ACOXL: variants seen among roughly 807,000 people sequenced by gnomAD.
ACOXL encodes acyl-coenzyme A oxidase-like protein.
A neutral mutation model predicts 71.9 loss-of-function variants in ACOXL; 70 were observed. That is an observed-to-expected ratio of 0.97 (90% CI 0.80 to 1.19). ACOXL has a LOEUF of 1.19. Ranked by LOEUF, ACOXL falls within the 50% of genes most tolerant of loss-of-function variation. The probability of loss-of-function intolerance (pLI) is 0.00; values close to 1 mark genes in which losing one functional copy is unlikely to be tolerated. For synonymous variants in ACOXL, 253 were observed against 281.6 expected, an observed-to-expected ratio of 0.90 and a Z score of 1.02; for missense variants, 703 against 736.3, an observed-to-expected ratio of 0.95 and a Z score of 0.52.
At chr2:111,094,650 A>G (rs2068709473) in intron 17 of ACOXL, among the ~76,000 whole-genome samples, 1 of 152,212 alleles carries the variant, frequency 6.6e-6, no homozygotes, top group African/African-American at 2.4e-5. Context: ...TCTAAAAGTC[A>G]TACCTCTCAT....
chr2:110,878,668 G>A (rs980349163), intron 10 of ACOXL, among the ~76,000 whole-genome samples: 2 of 152,194 alleles, frequency 1.3e-5, no homozygotes, highest in Admixed American at 1.3e-4. Context: ...AAGAGGCTGA[G>A]GCAGGAGAAT....
At chr2:110,918,642 G>A (rs920672399) in intron 11 of ACOXL, among the ~76,000 whole-genome samples, 2 of 152,100 alleles carry the variant, frequency 1.3e-5, no homozygotes, top group African/African-American at 4.8e-5. Flanking sequence ...GACAATTTTT[G>A]CATTCTATCC....
At chr2:110,751,144 C>G (rs986098949) in intron 1 of ACOXL, among the ~76,000 whole-genome samples, 11 of 151,634 alleles carry the variant, frequency 7.3e-5, no homozygotes, top group African/African-American at 2.7e-4. Context: ...TAAAAAAATA[C>G]AAAAAAATTA....
At chr2:110,753,869 G>A (rs1340875163) in intron 1 of ACOXL, among the ~76,000 whole-genome samples, 1 of 151,920 alleles carries the variant, frequency 6.6e-6, no homozygotes, top group Non-Finnish European at 1.5e-5. Flanking sequence ...CCACGTCTTT[G>A]TCAAAATTTT....
intron 14 of ACOXL, among the ~76,000 whole-genome samples, chr2:111,021,547 T>C (rs1194557143): frequency 2.6e-5 from 4 of 152,048 alleles, no homozygotes; most frequent in Admixed American, 1.3e-4. Flanking sequence ...GCCCCCTTAT[T>C]CTCTGGGAGA....
chr2:110,825,533 T>G (rs1689069138), intron 9 of ACOXL, among the ~76,000 whole-genome samples: 1 of 152,246 alleles, frequency 6.6e-6, no homozygotes, highest in East Asian at 1.9e-4. Context: ...GTCCTCCGGC[T>G]TTTTTCACTG....
intron 17 of ACOXL, among the ~76,000 whole-genome samples, chr2:111,094,878 A>G (rs953615492): frequency 6.6e-6 from 1 of 152,132 alleles, no homozygotes; most frequent in African/African-American, 2.4e-5. Context: ...CAGACGGGTA[A>G]TTGTCTCCTT....
At chr2:111,046,663 G>A (rs1292430804) in intron 15 of ACOXL, among the ~76,000 whole-genome samples, 2 of 152,126 alleles carry the variant, frequency 1.3e-5, no homozygotes, top group African/African-American at 2.4e-5. Context: ...CCACCCCCAT[G>A]ATTCATTTAC....
At chr2:110,798,970 C>T in intron 6 of ACOXL, 44 bp from the exon 7 acceptor site, 1 of 1,575,490 alleles carries the variant, frequency 6.3e-7, no homozygotes. Context: ...ATGAGTAAAG[C>T]TATAGGAAGG....
At chr2:110,809,234 T>C (rs559309629) in intron 9 of ACOXL, among the ~76,000 whole-genome samples, 1 of 152,378 alleles carries the variant, frequency 6.6e-6, no homozygotes, top group African/African-American at 2.4e-5. Flanking sequence ...GCTTCATGTG[T>C]ACACACTCGT....
intron 2 of ACOXL, among the ~76,000 whole-genome samples, chr2:110,772,514 G>A (rs1442668607): frequency 2.0e-5 from 3 of 152,154 alleles, no homozygotes; most frequent in Non-Finnish European, 2.9e-5. Flanking sequence ...CTTTCCCCAG[G>A]AGGGAGCCAG....
At chr2:110,823,103 A>C (rs1688804350) in intron 9 of ACOXL, among the ~76,000 whole-genome samples, 1 of 152,078 alleles carries the variant, frequency 6.6e-6, no homozygotes, top group Admixed American at 6.5e-5. Flanking sequence ...AAATACAAAA[A>C]TTAGCTGGGC....
At chr2:111,038,524 A>G (rs1309373910) in intron 15 of ACOXL, among the ~76,000 whole-genome samples, 2 of 152,240 alleles carry the variant, frequency 1.3e-5, no homozygotes, top group Non-Finnish European at 2.9e-5. Flanking sequence ...ATATCTAAGT[A>G]GTTTCAAAAT....
intron 2 of ACOXL, among the ~76,000 whole-genome samples, chr2:110,772,891 G>A (rs908438088): frequency 6.6e-6 from 1 of 152,172 alleles, no homozygotes; most frequent in Non-Finnish European, 1.5e-5. Flanking sequence ...TTATGAAAGG[G>A]CAGCTATCTT....
chr2:110,985,177 T>C (rs1003397347), intron 12 of ACOXL, among the ~76,000 whole-genome samples: 9 of 152,232 alleles, frequency 5.9e-5, no homozygotes, highest in Non-Finnish European at 8.8e-5. Context: ...GCTATTATCA[T>C]TTTAATTTTA....
chr2:111,069,213 G>A (rs1006063466), intron 16 of ACOXL, among the ~76,000 whole-genome samples: 3 of 150,600 alleles, frequency 2.0e-5, no homozygotes, highest in African/African-American at 7.3e-5. Flanking sequence ...TTGCAGTGGC[G>A]GGATCTTGAC....
At chr2:110,806,542 T>C (rs1309585557) in intron 9 of ACOXL, among the ~76,000 whole-genome samples, 1 of 152,008 alleles carries the variant, frequency 6.6e-6, no homozygotes, top group Non-Finnish European at 1.5e-5. Flanking sequence ...TCCTCAGGAC[T>C]CCAGAGAGAG....
chr2:110,863,225 T>C (rs1044827690), intron 10 of ACOXL, among the ~76,000 whole-genome samples: 2 of 152,218 alleles, frequency 1.3e-5, no homozygotes. Flanking sequence ...CATTATGATG[T>C]GTTCTTATGA....
intron 15 of ACOXL, among the ~76,000 whole-genome samples, chr2:111,034,053 G>A (rs1343233688): frequency 2.6e-5 from 4 of 152,246 alleles, no homozygotes; most frequent in African/African-American, 4.8e-5. Flanking sequence ...TGAGGACTGA[G>A]GATGGGGGCT....
Sources: allele counts gnomAD v4.1 joint callset (sites outside exome capture counted in the v4.1 genomes callset), GRCh38; gene constraint gnomAD v4.1.1; transcripts MANE v1.5; gene names NCBI Gene and HGNC (gene_info 2026-07-23, HGNC 2026-07-21).